Variants in PDE8B observed in about 807,000 individuals in gnomAD.
PDE8B encodes the protein high affinity cAMP-specific and IBMX-insensitive 3',5'-cyclic phosphodiesterase 8B.
A neutral mutation model predicts 101.3 loss-of-function variants in PDE8B; 26 were observed. The observed-to-expected ratio is 0.26, with a 90% CI of 0.19 to 0.36. The LOEUF (loss-of-function observed/expected upper bound fraction) is 0.36, where lower values mean the gene tolerates loss of function less well. Ranked by LOEUF, PDE8B falls within the 10% of genes least tolerant of loss-of-function variation. The pLI is 1.00. For synonymous variants in PDE8B, 424 were observed against 429.3 expected (o/e 0.99, Z 0.15); for missense variants, 810 against 1,163.1 (o/e 0.70, Z 4.42).
intron 10 of PDE8B, among the ~76,000 whole-genome samples, chr5:77,396,224 T>A (rs1791030621): frequency 6.6e-6 from 1 of 152,242 alleles, no homozygotes; most frequent in Non-Finnish European, 1.5e-5. Flanking sequence ...GGTTTTGCCC[T>A]TCCCCCACAT....
intron 13 of PDE8B, 130 bp from the exon 14 acceptor site, chr5:77,408,763 C>A (rs1029415582): frequency 6.5e-6 from 5 of 773,436 alleles, no homozygotes; most frequent in Non-Finnish European, 1.1e-5. Context: ...AGGGCGGTGC[C>A]GTGAAAGCAC....
chr5:77,289,203 G>A (rs1378511470), intron 1 of PDE8B, among the ~76,000 whole-genome samples: 1 of 152,110 alleles, frequency 6.6e-6, no homozygotes. Context: ...TGAAACGTAA[G>A]GTGAAAAGGG....
chr5:77,325,901 C>T (rs1037913468), intron 3 of PDE8B, among the ~76,000 whole-genome samples, 172 bp downstream of exon 3: 1 of 152,172 alleles, frequency 6.6e-6, no homozygotes, highest in African/African-American at 2.4e-5. Context: ...CTGTAGATTT[C>T]TCTCTCCTCT....
chr5:77,290,801 C>T, intron 1 of PDE8B: 1 of 1,488,394 alleles, frequency 6.7e-7, no homozygotes, highest in Non-Finnish European at 9.4e-7. Context: ...GGAACAACGC[C>T]ATTGTCATGA....
chr5:77,350,454 C>T (rs981268710), intron 8 of PDE8B, among the ~76,000 whole-genome samples: 6 of 152,008 alleles, frequency 3.9e-5, no homozygotes, highest in South Asian at 2.1e-4. Context: ...TGCAGGGAAT[C>T]GGAATCTCAG....
chr5:77,211,751 T>C lies in PDE8B; in HGVS notation c.339+487T>C, dbSNP rs1316228830. Among the ~76,000 whole-genome samples the C allele has an allele frequency of 6.6e-6, 1 of 152,086 alleles. No homozygotes were observed. The highest frequency in any genetic ancestry group is 1.5e-5 in the Non-Finnish European group (1 of 68,006). On this transcript the variant is annotated intron_variant, in intron 1 of 21. Coordinates refer to ENST00000264917, the MANE Select transcript of PDE8B (RefSeq NM_003719.5). This position sits in a 1 kb window ranked among gnomAD's most constrained non-coding sequence, Gnocchi z 4.1. ...CCTGGGATTACCAGCCAGGCTGGAGTCTCAGCACAGGAACCGAGCGTAGGG... is the reference window on the plus strand; with the variant it reads ...CCTGGGATTACCAGCCAGGCTGGAGCCTCAGCACAGGAACCGAGCGTAGGG...
At chr5:77,151,804 AT>A in the PDE8B span, 1 of 152,200 alleles carries the variant, frequency 6.6e-6, no homozygotes, top group Admixed American at 6.5e-5. Flanking sequence ...CTGGTTTGGT[AT>A]TATCCATGCA....
In PDE8B at chr5:77,388,138, C is replaced by CTTTGGAGGAGAAGAGGTGTTCTGGTT. The variant is rs1290009922; in HGVS notation, c.1168-12103_1168-12078dup. Reference sequence around the variant, plus strand: ...CCCTTGCTGGCAAGGAGTTGTGATCCTTTGGAGGAGAAGAGGTGTTCTGGT... The same window carrying CTTTGGAGGAGAAGAGGTGTTCTGGTT: ...CCCTTGCTGGCAAGGAGTTGTGATCCTTTGGAGGAGAAGAGGTGTTCTGGTTTTTGGAGGAGAAGAGGTGTTCTGGT... On this transcript the variant is annotated intron_variant, in intron 10 of 21. Transcript: ENST00000264917. Among the ~76,000 whole-genome samples the CTTTGGAGGAGAAGAGGTGTTCTGGTT allele has an allele frequency of 1.2e-4, 18 of 152,218 alleles. No homozygotes were observed. The East Asian group carries it at 3.3e-3, about 28-fold the overall frequency.
chr5:77,385,473 T>G (rs186054529), intron 10 of PDE8B, among the ~76,000 whole-genome samples: 189 of 149,540 alleles, frequency 1.3e-3, no homozygotes, highest in African/African-American at 4.4e-3. Context: ...TGTTTCTATC[T>G]TCTTCAATTC....
At chr5:77,417,027 G>C (rs1260715265) in intron 17 of PDE8B, among the ~76,000 whole-genome samples, 2 of 151,942 alleles carry the variant, frequency 1.3e-5, no homozygotes, top group Non-Finnish European at 2.9e-5. Flanking sequence ...GACAATTCCT[G>C]CTTCTCCTTC....
In PDE8B at chr5:77,266,372, T is replaced by A. The variant is rs147169755; in HGVS notation, c.340-45622T>A. Among the ~76,000 whole-genome samples the A allele has an allele frequency of 3.5e-3, 527 of 152,284 alleles. 3 individuals carry two copies. Among genetic ancestry groups the A allele is most frequent in the African/African-American group, 0.012 (494 of 41,572 alleles). ...TCAGAAATGTGCCAAGTTTTTCACA[T>A]TTTTTGTGCTCTTCATTGGTGATTT... On this transcript the variant is annotated intron_variant, in intron 1 of 21. Coordinates refer to ENST00000264917, the MANE Select transcript of PDE8B (RefSeq NM_003719.5).
intron 10 of PDE8B, among the ~76,000 whole-genome samples, chr5:77,366,646 G>A (rs1424356003): frequency 1.3e-5 from 2 of 152,150 alleles, no homozygotes; most frequent in Non-Finnish European, 2.9e-5. Context: ...TGGGTGTGTG[G>A]GGGTCTGCCT....
At chr5:77,282,012 A>G (rs1000767945) in intron 1 of PDE8B, among the ~76,000 whole-genome samples, 1 of 152,060 alleles carries the variant, frequency 6.6e-6, no homozygotes, top group Non-Finnish European at 1.5e-5. Flanking sequence ...AGGACTTTAT[A>G]TACTATCCCA....
upstream of PDE8B, among the ~76,000 whole-genome samples, chr5:77,206,652 G>A (rs1747527416): frequency 2.0e-5 from 3 of 152,128 alleles, no homozygotes; most frequent in Non-Finnish European, 1.5e-5. Context: ...GATCCACGTC[G>A]GGTAGGGTCT....
At position 77,325,751 on chromosome 5, in the gene PDE8B, G is replaced by A. The variant is rs200195488; in HGVS notation, c.590+22G>A. 1.4e-5 allele frequency: 22 copies of A among 1,521,628 alleles called. No individual in the cohort carries two copies. The East Asian group carries it at 5.0e-4, about 34-fold the overall frequency. 94.3% of individuals were successfully genotyped at this position (1,521,628 alleles called of 1,614,324 possible). ...GCAGGTACCTTCTCTAATTTAATATGCTTAGTAAATGTTCACTTTACATCT... is the reference window on the plus strand; with the variant it reads ...GCAGGTACCTTCTCTAATTTAATATACTTAGTAAATGTTCACTTTACATCT... On this transcript the variant is annotated intron_variant, in intron 3 of 21. Coordinates refer to ENST00000264917, the MANE Select transcript of PDE8B (RefSeq NM_003719.5).
chr5:77,190,317 A>G, the PDE8B span, among the ~76,000 whole-genome samples: 14 of 152,180 alleles, frequency 9.2e-5, no homozygotes, highest in African/African-American at 3.1e-4. Flanking sequence ...TTCCCTCTGG[A>G]AGCCTTTCTT....
chr5:77,192,309 C>T, the PDE8B span, among the ~76,000 whole-genome samples: 3,591 of 152,260 alleles, frequency 0.024, 144 homozygotes, highest in African/African-American at 0.081. Flanking sequence ...GCCTGAGTCA[C>T]GTGTTCCTTC....
intron 17 of PDE8B, among the ~76,000 whole-genome samples, chr5:77,416,051 G>A (rs1795477989): frequency 6.6e-6 from 1 of 152,130 alleles, no homozygotes. Context: ...TCGACGTAGG[G>A]CCTTGCTACT....
chr5:77,374,095 C>A (rs1785603894), intron 10 of PDE8B, among the ~76,000 whole-genome samples: 1 of 152,170 alleles, frequency 6.6e-6, no homozygotes, highest in Non-Finnish European at 1.5e-5. Flanking sequence ...GGTGATCCAC[C>A]TGCCTCAGCT....
Sources: gnomAD v4.1 joint callset for allele counts (sites outside exome capture counted in the v4.1 genomes callset) on GRCh38, gnomAD v4.1.1 for gene constraint, Gnocchi (gnomAD v3.1) non-coding constraint, MANE v1.5 for transcripts, NCBI Gene and HGNC (gene_info 2026-07-23, HGNC 2026-07-21) for gene names.